Variants in LINGO2 observed in about 807,000 individuals in gnomAD.
LINGO2 encodes leucine rich repeat and Ig domain containing 2.
In LINGO2, 14 loss-of-function variants were observed where a neutral mutation model predicts 30.6. The observed-to-expected ratio is 0.46, with a 90% CI of 0.30 to 0.72. The LOEUF (loss-of-function observed/expected upper bound fraction) is 0.72. Ranked by LOEUF, LINGO2 falls within the 30% of genes least tolerant of loss-of-function variation. The pLI is 0.07. For synonymous variants in LINGO2, 317 were observed against 288.5 expected, an observed-to-expected ratio of 1.10 and a Z score of -1.00; for missense variants, 729 against 751.7, an observed-to-expected ratio of 0.97 and a Z score of 0.35.
chr9:28,902,548 A>G, the LINGO2 span, among the ~76,000 whole-genome samples: 9 of 152,178 alleles, frequency 5.9e-5, no homozygotes, highest in African/African-American at 2.2e-4. Flanking sequence ...TAACAGGTGT[A>G]TAGAGAGCAT....
chr9:28,982,984 T>G, the LINGO2 span, among the ~76,000 whole-genome samples: 1 of 151,960 alleles, frequency 6.6e-6, no homozygotes, highest in Non-Finnish European at 1.5e-5. Flanking sequence ...GTTGTTTTTT[T>G]AATGCCATTT....
chr9:29,027,139 A>T, the LINGO2 span, among the ~76,000 whole-genome samples: 1 of 152,172 alleles, frequency 6.6e-6, no homozygotes, highest in Non-Finnish European at 1.5e-5. Flanking sequence ...AGTTATTATA[A>T]CAACACAGGA....
chr9:28,808,891 C>G, the LINGO2 span, among the ~76,000 whole-genome samples: 1 of 152,192 alleles, frequency 6.6e-6, no homozygotes, highest in East Asian at 1.9e-4. Flanking sequence ...TCTTAGGTGA[C>G]AAGAACAGAC....
chr9:28,816,133 A>G, the LINGO2 span, among the ~76,000 whole-genome samples: 1 of 152,196 alleles, frequency 6.6e-6, no homozygotes, highest in African/African-American at 2.4e-5. Flanking sequence ...CACTCCCAAG[A>G]TAACCATGTT....
At chr9:28,035,811 C>T (rs1182386067) in intron 4 of LINGO2, among the ~76,000 whole-genome samples, 1 of 152,034 alleles carries the variant, frequency 6.6e-6, no homozygotes, top group Non-Finnish European at 1.5e-5. Flanking sequence ...AATGTGAAAG[C>T]TCCTAATTAG....
intron 4 of LINGO2, among the ~76,000 whole-genome samples, chr9:28,119,004 G>C (rs1179583580): frequency 6.6e-6 from 1 of 151,898 alleles, no homozygotes; most frequent in African/African-American, 2.4e-5. Flanking sequence ...CATTGCTAGA[G>C]CCTGGGTTAA....
chr9:28,200,639 T>C (rs1325050451), intron 4 of LINGO2, among the ~76,000 whole-genome samples: 1 of 152,228 alleles, frequency 6.6e-6, no homozygotes, highest in Non-Finnish European at 1.5e-5. Flanking sequence ...TAAAGATCTG[T>C]ATGTGAGTTT....
chr9:28,166,741 T>G lies in LINGO2; in HGVS notation c.-87+128467A>C, dbSNP rs186389316. Among the ~76,000 whole-genome samples the G allele has an allele frequency of 1.3e-3, 194 of 152,268 alleles. 3 individuals are homozygous for G. Among genetic ancestry groups the G allele is most frequent in the Admixed American group, 0.011 (171 of 15,296 alleles). ...ATTATTGATGATATTTCCTTTTTTT[T>G]TTCCTGGAATTCCAAAGTTGGGTCT... On this transcript the variant is annotated intron_variant, in intron 4 of 5. Transcript: ENST00000379992.
intron 4 of LINGO2, among the ~76,000 whole-genome samples, chr9:28,288,980 A>T (rs571353988): frequency 6.6e-6 from 1 of 152,138 alleles, no homozygotes; most frequent in South Asian, 2.1e-4. Flanking sequence ...TGTTGCTTCT[A>T]TGTATGAGCC....
At chr9:28,772,746 T>A in the LINGO2 span, among the ~76,000 whole-genome samples, 17 of 152,036 alleles carry the variant, frequency 1.1e-4, no homozygotes, top group Non-Finnish European at 2.2e-4. Flanking sequence ...ATATGATACT[T>A]GAAGAAAAAA....
chr9:27,947,309 A>C (rs1823402326), downstream of LINGO2, among the ~76,000 whole-genome samples: 1 of 152,196 alleles, frequency 6.6e-6, no homozygotes, highest in Non-Finnish European at 1.5e-5. Context: ...CAGTTTTTAA[A>C]AACTGGGATG....
the LINGO2 span, among the ~76,000 whole-genome samples, chr9:28,774,791 C>T: frequency 6.6e-6 from 1 of 152,130 alleles, no homozygotes; most frequent in South Asian, 2.1e-4. Context: ...TCAATTTTTT[C>T]AGTGGGAATC....
the LINGO2 span, among the ~76,000 whole-genome samples, chr9:28,745,144 T>G: frequency 1.3e-5 from 2 of 152,060 alleles, no homozygotes; most frequent in African/African-American, 2.4e-5. Flanking sequence ...AGTATAGCAT[T>G]GGGCATCAAC....
the LINGO2 span, among the ~76,000 whole-genome samples, chr9:29,009,582 T>C: frequency 6.6e-6 from 1 of 152,150 alleles, no homozygotes; most frequent in East Asian, 1.9e-4. Flanking sequence ...GAAGAATCAA[T>C]ATCATGAAAA....
chr9:29,011,779 G>A, the LINGO2 span, among the ~76,000 whole-genome samples: 7 of 151,992 alleles, frequency 4.6e-5, no homozygotes, highest in South Asian at 2.1e-4. Context: ...CATTAACCCC[G>A]AATTTATTAA....
At chr9:29,144,275 G>GTT in the LINGO2 span, among the ~76,000 whole-genome samples, 27 of 151,938 alleles carry the variant, frequency 1.8e-4, no homozygotes, top group East Asian at 4.9e-3. Context: ...TTTTAAAATA[G>GTT]CTTTTTTAAA....
chr9:28,658,423 G>A (rs919676969), intron 1 of LINGO2, among the ~76,000 whole-genome samples: 1 of 151,830 alleles, frequency 6.6e-6, no homozygotes, highest in East Asian at 1.9e-4. Context: ...TAGCTCTGAT[G>A]TTTGCTGCAT....
intron 4 of LINGO2, among the ~76,000 whole-genome samples, chr9:28,029,617 A>C (rs1199946961): frequency 6.6e-6 from 1 of 152,202 alleles, no homozygotes; most frequent in African/African-American, 2.4e-5. Context: ...GTCGGATATA[A>C]AAAGTGACCT....
intron 2 of LINGO2, among the ~76,000 whole-genome samples, chr9:28,386,972 A>C (rs1289408172): frequency 1.3e-5 from 2 of 152,234 alleles, no homozygotes; most frequent in African/African-American, 4.8e-5. Context: ...ATTACAATGC[A>C]ATGAACACTG....
Sources: gnomAD v4.1 joint callset for allele counts (sites outside exome capture counted in the v4.1 genomes callset) on GRCh38, gnomAD v4.1.1 for gene constraint, MANE v1.5 for transcripts, NCBI Gene and HGNC (gene_info 2026-07-23, HGNC 2026-07-21) for gene names.